RBM25: variants seen among roughly 807,000 people sequenced by gnomAD.
The protein encoded by RBM25 is RNA binding motif protein 25.
In RBM25, 19 loss-of-function variants were observed where a neutral mutation model predicts 120.7. The ratio of observed to expected loss-of-function variants is 0.16; its 90% confidence interval spans 0.11 to 0.23. The LOEUF (loss-of-function observed/expected upper bound fraction) is 0.23. Among genes scored for constraint, RBM25 ranks in the 10% least tolerant of loss-of-function variants. The pLI is 1.00. For missense variants in RBM25, 605 were observed against 1,041.5 expected (o/e 0.58, Z 5.77); for synonymous variants, 390 against 326.7 (o/e 1.19, Z -2.09).
Position 73,111,129 on chromosome 14 carries a change from C to G in RBM25, c.1991C>G (p.Pro664Arg). The change falls in exon 15 of 19, where the codon CCA (proline) becomes CGA (arginine). Residue 664 changes from proline to arginine, a missense_variant. Coordinates refer to ENST00000261973, the MANE Select transcript of RBM25 (RefSeq NM_021239.3). The stretch of plus-strand genomic sequence containing the variant: ...CAACAGCAACCTGAGGAGCATAGGC[C>G]AAAAATAGGACTAAGTCTTAAACTG... ...PDQQQPEEHR[P>R]KIGLSLKLGA... The G allele has an allele frequency of 6.2e-7, 1 of 1,610,650 alleles. No individual in the cohort carries two copies. The highest frequency in any genetic ancestry group is 1.3e-5 in the African/African-American group (1 of 74,838).
rs776697817 is a variant in RBM25, at chr14:73,105,888, G to A, written c.1184G>A (p.Arg395Gln). The A allele has an allele frequency of 1.2e-5, 19 of 1,612,704 alleles. No homozygotes were observed. Among genetic ancestry groups the A allele is most frequent in the Non-Finnish European group, 1.6e-5 (19 of 1,179,464 alleles). The change falls in exon 11 of 19, where the codon CGA (arginine) becomes CAA (glutamine). Residue 395 changes from arginine to glutamine, a missense_variant. Arg to Gln is a conservative substitution (Grantham distance 43). This residue lies in a region of RBM25 where 465 missense variants were observed against 741.6 expected (regional missense o/e 0.63). Coordinates refer to ENST00000261973, the MANE Select transcript of RBM25 (RefSeq NM_021239.3). Reference sequence around the variant, plus strand: ...AAAAGCAGAGATCGTGAAAGGGAACGAGAGCGGGAAAGAGAGAGAGAGAGA... The same window carrying A: ...AAAAGCAGAGATCGTGAAAGGGAACAAGAGCGGGAAAGAGAGAGAGAGAGA... ...REKSRDRERE[R>Q]ERERERERER...
intron 1 of RBM25, chr14:73,068,270 A>C: frequency 1.2e-6 from 1 of 839,452 alleles, no homozygotes; most frequent in Non-Finnish European, 2.0e-6. Context: ...TTAGACCCCA[A>C]TAGATTTGGT....
At chr14:73,065,734 A>G (rs1895115877) in intron 1 of RBM25, among the ~76,000 whole-genome samples, 1 of 149,548 alleles carries the variant, frequency 6.7e-6, no homozygotes, top group Non-Finnish European at 1.5e-5. Flanking sequence ...TTATATTTTT[A>G]GTGGAGACAG....
At chr14:73,074,390 C>T (rs1258448567) in intron 2 of RBM25, among the ~76,000 whole-genome samples, 2 of 151,906 alleles carry the variant, frequency 1.3e-5, no homozygotes, top group Non-Finnish European at 2.9e-5. Context: ...TGACTCAGAT[C>T]CGTTTTTCGA....
intron 4 of RBM25, among the ~76,000 whole-genome samples, chr14:73,083,153 CTTAAA>C (rs1040697393): frequency 6.6e-6 from 1 of 152,112 alleles, no homozygotes; most frequent in Non-Finnish European, 1.5e-5. Context: ...ATAATATTTA[CTTAAA>C]TTTATTATAG....
chr14:73,068,044 G>A (rs993419329), intron 1 of RBM25: 3 of 424,588 alleles, frequency 7.1e-6, no homozygotes, highest in Non-Finnish European at 8.9e-6. Context: ...GGGGTGCAGC[G>A]CACACTGGTT....
At position 73,122,900 on chromosome 14, in the gene RBM25, AACAG is replaced by A. The variant is rs1427223046; in HGVS notation, c.*3098_*3101del. ...TGTCTATTCAGTATTATTTTATCCT[AACAG>A]ACTACATAAATGCAGCTGAATTTTC... On this transcript the variant is annotated 3_prime_UTR_variant, in exon 19 of 19. Coordinates refer to ENST00000261973, the MANE Select transcript of RBM25 (RefSeq NM_021239.3). The A allele has an allele frequency of 1.3e-5, 2 of 152,194 alleles. No individual in the cohort carries two copies. Among genetic ancestry groups the A allele is most frequent in the African/African-American group, 4.8e-5 (2 of 41,444 alleles). The allele number at this position is 152,194 out of a possible 1,614,324, so 9.4% of individuals were successfully genotyped here. A position where few individuals can be genotyped will look rare whatever the true frequency, so the allele number is the denominator to read the frequency against.
chr14:73,093,771 T>G (rs1895869427), intron 6 of RBM25, among the ~76,000 whole-genome samples: 1 of 151,802 alleles, frequency 6.6e-6, no homozygotes, highest in Non-Finnish European at 1.5e-5. Flanking sequence ...CCTCCCAAAG[T>G]GTTGGGGTTA....
intron 4 of RBM25, among the ~76,000 whole-genome samples, chr14:73,082,915 A>AC (rs1895597373): frequency 6.6e-6 from 1 of 151,422 alleles, no homozygotes; most frequent in African/African-American, 2.4e-5. Flanking sequence ...AATAAAAAAA[A>AC]AAAAACAAAA....
intron 18 of RBM25, among the ~76,000 whole-genome samples, chr14:73,115,105 T>G (rs1413386330): frequency 6.6e-6 from 1 of 151,802 alleles, no homozygotes; most frequent in Non-Finnish European, 1.5e-5. Context: ...CTGATGGCAT[T>G]GATAGCAGTT....
chr14:73,065,465 G>A (rs141912556), intron 1 of RBM25, among the ~76,000 whole-genome samples: 4 of 137,128 alleles, frequency 2.9e-5, no homozygotes, highest in South Asian at 2.3e-4. Flanking sequence ...TTGCTCTGTC[G>A]CCAAGGTGGA....
rs148985861 is a variant in RBM25 at position 73,087,108 on chromosome 14, T to C, written c.383-893T>C. Among the ~76,000 whole-genome samples, 48 of 152,332 alleles carry C rather than the reference T, an allele frequency of 3.2e-4. No individual in the cohort carries two copies. The East Asian group carries it at 9.2e-3, about 29-fold the overall frequency. On this transcript the variant is annotated intron_variant, in intron 5 of 18. Transcript: ENST00000261973. ...ATCAGTAGTTTTTTTCTGTTTCCTG[T>C]CATTATATACATATTTAGATTTATT...
chr14:73,097,174 T>C lies in RBM25; in HGVS notation c.729+74T>C, dbSNP rs1895958515. On this transcript the variant is annotated intron_variant, in intron 7 of 18. Coordinates refer to ENST00000261973, the MANE Select transcript of RBM25 (RefSeq NM_021239.3). Reference sequence around the variant, plus strand: ...ATATCACTCTTATACTTTGATTACATGTCAGTTTTCTTTTTTCTTTTCTTT... The same window carrying C: ...ATATCACTCTTATACTTTGATTACACGTCAGTTTTCTTTTTTCTTTTCTTT... 3 of 906,018 alleles carry C rather than the reference T, an allele frequency of 3.3e-6. No homozygotes were observed. In the Admixed American group the frequency reaches 1.0e-4, roughly 31 times the overall value. The allele number at this position is 906,018 out of a possible 1,614,324, so 56.1% of individuals were successfully genotyped here.
chr14:73,061,247 G>A (rs1405696118), intron 1 of RBM25, among the ~76,000 whole-genome samples: 1 of 150,814 alleles, frequency 6.6e-6, no homozygotes, highest in Non-Finnish European at 1.5e-5. Flanking sequence ...TAGTAGAGAC[G>A]GGGTTTGACC....
chr14:73,076,249 CTTAA>C (rs1895418314), intron 2 of RBM25, 66 bp from the exon 3 acceptor site: 1 of 1,246,198 alleles, frequency 8.0e-7, no homozygotes, highest in East Asian at 2.3e-5. Context: ...AGTAAGGATA[CTTAA>C]TTGTGTGGCA....
At chr14:73,107,660 G>A (rs1896219438) in intron 12 of RBM25, 166 bp from the exon 13 acceptor site, 3 of 584,114 alleles carry the variant, frequency 5.1e-6, no homozygotes, top group Non-Finnish European at 8.9e-6. Context: ...TTCATTTATT[G>A]AAACGGCCAT....
chr14:73,106,108 T>C (rs774865841), intron 11 of RBM25, 27 bp downstream of exon 11: 1 of 1,596,690 alleles, frequency 6.3e-7, no homozygotes, highest in Non-Finnish European at 8.5e-7. Context: ...CCTTTATTCT[T>C]AAATCTTGGT....
intron 1 of RBM25, among the ~76,000 whole-genome samples, chr14:73,060,258 C>T (rs946757749): frequency 1.3e-5 from 2 of 151,316 alleles, no homozygotes; most frequent in South Asian, 4.2e-4. Context: ...AGAATGGTCT[C>T]GATTTCCTGA....
chr14:73,082,404 G>A (rs1288373295), intron 4 of RBM25, among the ~76,000 whole-genome samples: 2 of 152,082 alleles, frequency 1.3e-5, no homozygotes, highest in East Asian at 1.9e-4. Flanking sequence ...CCATCCATCC[G>A]TCTCATCCTC....
Sources: allele counts gnomAD v4.1 joint callset (sites outside exome capture counted in the v4.1 genomes callset), GRCh38; gene constraint gnomAD v4.1.1; regional missense constraint gnomAD v4.1.1; transcripts MANE v1.5; gene names NCBI Gene and HGNC (gene_info 2026-07-23, HGNC 2026-07-21).